GPM6A: variants seen among roughly 807,000 people sequenced by gnomAD.
GPM6A encodes neuronal membrane glycoprotein M6-a.
Under a neutral mutation model 32.1 loss-of-function variants are expected in GPM6A, and 7 were observed. The ratio of observed to expected loss-of-function variants is 0.22; its 90% CI spans 0.12 to 0.41. The LOEUF (loss-of-function observed/expected upper bound fraction) is 0.41, where lower values mean the gene tolerates loss of function less well. Among genes scored for constraint, GPM6A ranks in the 10% least tolerant of loss-of-function variants. The pLI is 1.00. For missense variants in GPM6A, 235 were observed against 347.2 expected, an observed-to-expected ratio of 0.68 and a Z score of 2.57; for synonymous variants, 130 against 123.4, an observed-to-expected ratio of 1.05 and a Z score of -0.35.
intron 1 of GPM6A, among the ~76,000 whole-genome samples, chr4:175,824,890 G>T (rs1218762442): frequency 6.6e-6 from 1 of 152,118 alleles, no homozygotes; most frequent in African/African-American, 2.4e-5. Flanking sequence ...GAATATAAAA[G>T]TCTCTCAAAA....
chr4:175,981,625 C>T (rs1330145463), intron 1 of GPM6A, among the ~76,000 whole-genome samples: 3 of 152,150 alleles, frequency 2.0e-5, no homozygotes, highest in African/African-American at 7.2e-5. Context: ...TTCGCCCATT[C>T]AGCAGCTGAA....
rs547842623 is a variant in GPM6A at position 175,896,546 on chromosome 4, G to T, written c.-22-84297C>A. 2.9e-3 allele frequency among the ~76,000 whole-genome samples: 447 copies of T among 152,122 alleles called. 9 individuals carry two copies. The highest frequency in any genetic ancestry group is 4.4e-4 in the Non-Finnish European group (30 of 68,002). On this transcript the variant is annotated intron_variant, in intron 1 of 7. Transcript: ENST00000280187. ...CTGTCTTCACTCTACCCCAGTTATGGACCCAACACTATTTCTTTAAAGAGT... is the reference window on the plus strand; with the variant it reads ...CTGTCTTCACTCTACCCCAGTTATGTACCCAACACTATTTCTTTAAAGAGT...
intron 1 of GPM6A, among the ~76,000 whole-genome samples, chr4:175,984,391 C>A (rs756706912): frequency 2.6e-5 from 4 of 152,080 alleles, no homozygotes; most frequent in Non-Finnish European, 5.9e-5. Flanking sequence ...TCTTGATCTC[C>A]GGACCTTGTG....
upstream of GPM6A, among the ~76,000 whole-genome samples, chr4:175,815,300 C>T (rs1036558738): frequency 2.6e-5 from 4 of 152,092 alleles, no homozygotes; most frequent in African/African-American, 4.8e-5. Context: ...CAGGCGTGAG[C>T]CACCAAGCCC....
At chr4:175,821,137 G>A (rs765373367) in intron 1 of GPM6A, among the ~76,000 whole-genome samples, 13 of 152,016 alleles carry the variant, frequency 8.6e-5, no homozygotes, top group African/African-American at 2.4e-4. Flanking sequence ...ACTGTTCTAC[G>A]TCTTCTATAC....
In GPM6A at chr4:175,901,634, T is replaced by TG. The variant is rs1457734521; in HGVS notation, c.-22-89386_-22-89385insC. 2.7e-5 allele frequency among the ~76,000 whole-genome samples: 4 copies of TG among 148,068 alleles called. No individual in the cohort carries two copies. In the East Asian group the frequency reaches 7.8e-4, roughly 29 times the overall value. ...ATTTTCTTTTTTTCTTTTTCTTTTTTTTTTTTCCTTTTTTTTTTTTTTGGA... is the reference window on the plus strand; with the variant it reads ...ATTTTCTTTTTTTCTTTTTCTTTTTTGTTTTTTCCTTTTTTTTTTTTTTGGA... On this transcript the variant is annotated intron_variant, in intron 1 of 7. Coordinates refer to the GPM6A transcript ENST00000280187.
At chr4:175,995,834 A>G (rs564320738) in intron 1 of GPM6A, among the ~76,000 whole-genome samples, 51 of 152,342 alleles carry the variant, frequency 3.3e-4, no homozygotes, top group African/African-American at 1.2e-3. Flanking sequence ...TTAAACTGAA[A>G]AAGAATTTGT....
At chr4:175,967,954 C>A (rs535896829) in intron 1 of GPM6A, among the ~76,000 whole-genome samples, 7,721 of 152,152 alleles carry the variant, frequency 0.051, 633 homozygotes, top group African/African-American at 0.17. Context: ...AAAAATACAA[C>A]ATCAACAGCA....
intron 1 of GPM6A, among the ~76,000 whole-genome samples, chr4:175,897,381 A>G (rs1025563771): frequency 5.9e-5 from 9 of 152,162 alleles, no homozygotes; most frequent in African/African-American, 1.7e-4. Flanking sequence ...TTGATGGAAT[A>G]ATCCAGCTGA....
intron 1 of GPM6A, among the ~76,000 whole-genome samples, chr4:175,942,083 G>A (rs1252365843): frequency 6.6e-6 from 1 of 152,194 alleles, no homozygotes; most frequent in African/African-American, 2.4e-5. Flanking sequence ...TAACTGGCGT[G>A]AGATGGTATC....
chr4:175,704,618 T>G (rs979436145), intron 1 of GPM6A, among the ~76,000 whole-genome samples: 1 of 152,220 alleles, frequency 6.6e-6, no homozygotes, highest in African/African-American at 2.4e-5. Context: ...CAGCCCAATG[T>G]AGAGCTATCC....
intron 1 of GPM6A, among the ~76,000 whole-genome samples, chr4:175,880,204 T>A (rs1737225075): frequency 6.6e-6 from 1 of 152,122 alleles, no homozygotes; most frequent in Admixed American, 6.6e-5. Context: ...TGTAGATGTG[T>A]GGTATTATTT....
At chr4:175,684,783 G>C (rs947696624) in intron 2 of GPM6A, among the ~76,000 whole-genome samples, 1 of 151,988 alleles carries the variant, frequency 6.6e-6, no homozygotes, top group African/African-American at 2.4e-5. Flanking sequence ...GGGGCTTTAC[G>C]TATGTCTTAA....
At chr4:175,880,443 T>C (rs887056112) in intron 1 of GPM6A, among the ~76,000 whole-genome samples, 2 of 152,202 alleles carry the variant, frequency 1.3e-5, no homozygotes, top group African/African-American at 2.4e-5. Flanking sequence ...GTTAGCTTGA[T>C]GGGGATGGCA....
At chr4:175,902,420 T>G (rs1737996495) in intron 1 of GPM6A, among the ~76,000 whole-genome samples, 1 of 152,164 alleles carries the variant, frequency 6.6e-6, no homozygotes, top group Admixed American at 6.5e-5. Flanking sequence ...AGTTAGAAGC[T>G]TGCATGGATG....
chr4:175,693,756 A>T (rs1744423958), intron 2 of GPM6A, among the ~76,000 whole-genome samples: 1 of 152,166 alleles, frequency 6.6e-6, no homozygotes, highest in South Asian at 2.1e-4. Flanking sequence ...ATTTATAGAT[A>T]TGTTTCCCTA....
chr4:175,654,190 C>G (rs1191978675), intron 3 of GPM6A: 1 of 152,130 alleles, frequency 6.6e-6, no homozygotes, highest in Non-Finnish European at 1.5e-5. Flanking sequence ...CCTATCTCTC[C>G]GTTTATTTAA....
chr4:175,883,200 T>C (rs1560978490), intron 1 of GPM6A, among the ~76,000 whole-genome samples: 1 of 152,082 alleles, frequency 6.6e-6, no homozygotes, highest in Non-Finnish European at 1.5e-5. Context: ...CAATTTGCTT[T>C]GTAACATACT....
chr4:175,914,739 A>T (rs987174683), intron 1 of GPM6A, among the ~76,000 whole-genome samples: 10 of 152,078 alleles, frequency 6.6e-5, no homozygotes, highest in Non-Finnish European at 8.8e-5. Flanking sequence ...TGTCAGAGCG[A>T]GGGGGGGCCA....
Sources: allele counts gnomAD v4.1 joint callset (sites outside exome capture counted in the v4.1 genomes callset), GRCh38; gene constraint gnomAD v4.1.1; transcripts MANE v1.5; gene names NCBI Gene and HGNC (gene_info 2026-07-23, HGNC 2026-07-21).